The following C3orf70 variants were observed in gnomAD, a reference collection of about 807,000 sequenced individuals.
C3orf70 encodes the protein UPF0524 protein C3orf70.
Under a neutral mutation model 20.7 loss-of-function variants are expected in C3orf70, and 15 were observed. The ratio of observed to expected loss-of-function variants is 0.72; its 90% CI spans 0.48 to 1.11. C3orf70 has a LOEUF of 1.11. Among genes scored for constraint, C3orf70 ranks in the 50% most tolerant of loss-of-function variants. The probability of loss-of-function intolerance (pLI) is 0.00; values close to 1 mark genes in which losing one functional copy is unlikely to be tolerated. For synonymous variants in C3orf70, 161 were observed against 125.7 expected (o/e 1.28, Z -1.88); for missense variants, 332 against 317.6 (o/e 1.05, Z -0.34).
intron 1 of C3orf70, among the ~76,000 whole-genome samples, chr3:185,136,909 A>AAACAACAAC (rs146226983): frequency 6.7e-6 from 1 of 149,780 alleles, no homozygotes; most frequent in Non-Finnish European, 1.5e-5. Context: ...GACTGTCTCA[A>AAACAACAAC]AACAACAACA....
intron 1 of C3orf70, among the ~76,000 whole-genome samples, chr3:185,116,380 G>T (rs1716173942): frequency 6.6e-6 from 1 of 152,192 alleles, no homozygotes; most frequent in African/African-American, 2.4e-5. Context: ...AGTACAGATA[G>T]AATGTCATAT....
intron 1 of C3orf70, among the ~76,000 whole-genome samples, chr3:185,146,973 C>G (rs764163387): frequency 6.6e-6 from 1 of 152,188 alleles, no homozygotes; most frequent in Non-Finnish European, 1.5e-5. Context: ...ACATTTGCTG[C>G]GATAGCGCAG....
intron 1 of C3orf70, among the ~76,000 whole-genome samples, chr3:185,097,926 T>C (rs1310101399): frequency 1.3e-5 from 2 of 152,214 alleles, no homozygotes; most frequent in Admixed American, 6.5e-5. Context: ...AGCAGATAAC[T>C]TTATGGTTTT....
chr3:185,123,284 CT>C (rs3072375), intron 1 of C3orf70, among the ~76,000 whole-genome samples: 89,734 of 151,322 alleles, frequency 0.59, 27,099 homozygotes, highest in Non-Finnish European at 0.67. Flanking sequence ...AAAAAAAGTC[CT>C]TTTTTTACAT....
chr3:185,118,641 A>C (rs1716231368), intron 1 of C3orf70, among the ~76,000 whole-genome samples: 1 of 152,176 alleles, frequency 6.6e-6, no homozygotes, highest in South Asian at 2.1e-4. Flanking sequence ...AATTACACTA[A>C]AATTTTTTCA....
chr3:185,148,913 TC>T (rs1716928612), intron 1 of C3orf70, among the ~76,000 whole-genome samples: 1 of 152,240 alleles, frequency 6.6e-6, no homozygotes, highest in African/African-American at 2.4e-5. Context: ...TTAAGCTTTT[TC>T]TATTTTATAA....
chr3:185,085,817 G>A (rs1703992766), intron 1 of C3orf70, among the ~76,000 whole-genome samples: 1 of 150,186 alleles, frequency 6.7e-6, no homozygotes, highest in South Asian at 2.1e-4. Flanking sequence ...TCCAGCCCCA[G>A]GATTAGAGCA....
intron 1 of C3orf70, among the ~76,000 whole-genome samples, chr3:185,120,248 G>T (rs1716270187): frequency 6.6e-6 from 1 of 152,068 alleles, no homozygotes; most frequent in South Asian, 2.1e-4. Flanking sequence ...TATTCATTTG[G>T]TCATTCAACA....
chr3:185,106,131 G>A (rs143708767), intron 1 of C3orf70, among the ~76,000 whole-genome samples: 5 of 152,286 alleles, frequency 3.3e-5, no homozygotes, highest in African/African-American at 1.2e-4. Flanking sequence ...AGCGCCTCGA[G>A]CAACCGCTCT....
chr3:185,149,601 A>C (rs948352939), intron 1 of C3orf70, among the ~76,000 whole-genome samples: 6 of 152,226 alleles, frequency 3.9e-5, no homozygotes, highest in African/African-American at 1.4e-4. Context: ...CTGATACTGT[A>C]AACTCCATGA....
At chr3:185,139,051 A>T (rs1402038735) in intron 1 of C3orf70, among the ~76,000 whole-genome samples, 1 of 151,742 alleles carries the variant, frequency 6.6e-6, no homozygotes, top group Admixed American at 6.6e-5. Context: ...GCAGTGACCT[A>T]TGATCACACC....
At chr3:185,126,176 G>C (rs1035600027) in intron 1 of C3orf70, among the ~76,000 whole-genome samples, 11 of 152,260 alleles carry the variant, frequency 7.2e-5, no homozygotes, top group Admixed American at 2.0e-4. Flanking sequence ...ACTTTTCTAA[G>C]CAGTTTTTTA....
chr3:185,105,317 G>T (rs1458880472), intron 1 of C3orf70, among the ~76,000 whole-genome samples: 1 of 152,228 alleles, frequency 6.6e-6, no homozygotes, highest in Non-Finnish European at 1.5e-5. Context: ...CATGCTGGAA[G>T]GTTGTGGGTT....
At chr3:185,135,589 C>A (rs868455640) in intron 1 of C3orf70, among the ~76,000 whole-genome samples, 3 of 152,188 alleles carry the variant, frequency 2.0e-5, no homozygotes, top group Non-Finnish European at 2.9e-5. Flanking sequence ...AGCAGAGTAG[C>A]GTAACTATAG....
chr3:185,089,197 ATTT>A (rs138114418), intron 1 of C3orf70, among the ~76,000 whole-genome samples: 1 of 147,816 alleles, frequency 6.8e-6, no homozygotes, highest in Admixed American at 6.8e-5. Flanking sequence ...TTTTTTCCTC[ATTT>A]TTTTTTTCTT....
intron 1 of C3orf70, among the ~76,000 whole-genome samples, chr3:185,111,521 A>C (rs1716072510): frequency 6.6e-6 from 1 of 152,236 alleles, no homozygotes; most frequent in African/African-American, 2.4e-5. Context: ...CAAAACCGCA[A>C]TGAGCTACCA....
intron 1 of C3orf70, among the ~76,000 whole-genome samples, chr3:185,110,881 G>T (rs1168052562): frequency 6.6e-6 from 1 of 152,194 alleles, no homozygotes; most frequent in East Asian, 1.9e-4. Flanking sequence ...AATGCGAATG[G>T]CTGGCTTGCT....
intron 1 of C3orf70, among the ~76,000 whole-genome samples, chr3:185,095,283 TTTTGAGAAC>T (rs1466904483): frequency 1.3e-5 from 2 of 152,156 alleles, no homozygotes; most frequent in African/African-American, 4.8e-5. Flanking sequence ...AAAAAATCCA[TTTTGAGAAC>T]AATGAAATCC....
rs1440649536 is a variant in C3orf70, at chr3:185,082,883, C to T, written c.*124G>A. 7.5e-5 allele frequency: 65 copies of T among 863,060 alleles called. No homozygotes were observed. The highest frequency in any genetic ancestry group is 1.1e-4 in the Admixed American group (5 of 43,870). 53.5% of individuals were successfully genotyped at this position (863,060 alleles called of 1,614,324 possible). On this transcript the variant is annotated 3_prime_UTR_variant, in exon 2 of 2. Transcript: ENST00000335012. Reference sequence around the variant, plus strand: ...TAATCAGCATACCACTGAACTGCTACGGTTGTTGGTTGGAGCGGGGCGGGG... The same window carrying T: ...TAATCAGCATACCACTGAACTGCTATGGTTGTTGGTTGGAGCGGGGCGGGG...
Sources: gnomAD v4.1 joint callset for allele counts (sites outside exome capture counted in the v4.1 genomes callset) on GRCh38, gnomAD v4.1.1 for gene constraint, MANE v1.5 for transcripts, NCBI Gene and HGNC (gene_info 2026-07-23, HGNC 2026-07-21) for gene names.